Variants in PAX5 observed in about 807,000 individuals in gnomAD.
The protein encoded by PAX5 is paired box protein Pax-5.
PAX5 carries 9 observed loss-of-function variants against 43.7 expected under a neutral mutation model. The observed-to-expected ratio is 0.21, with a 90% confidence interval of 0.12 to 0.36. PAX5 has a LOEUF of 0.36. PAX5 is among the 10% of genes least tolerant of loss of function. The probability of loss-of-function intolerance (pLI) is 1.00; values close to 1 mark genes in which losing one functional copy is unlikely to be tolerated. For missense variants in PAX5, 383 were observed against 532.7 expected, an observed-to-expected ratio of 0.72 and a Z score of 2.77; for synonymous variants, 228 against 214.3, an observed-to-expected ratio of 1.06 and a Z score of -0.56.
chr9:36,847,329 C>T (rs1273527401), intron 8 of PAX5, among the ~76,000 whole-genome samples: 3 of 152,278 alleles, frequency 2.0e-5, no homozygotes, highest in East Asian at 3.9e-4. Flanking sequence ...TGGTTCTCAT[C>T]CCTGAGTGAA....
At chr9:37,010,067 T>C (rs1421903736) in intron 3 of PAX5, among the ~76,000 whole-genome samples, 27 of 152,168 alleles carry the variant, frequency 1.8e-4, no homozygotes, top group Admixed American at 1.8e-3. Context: ...GAAGAAACTG[T>C]AGTGGGAAGA....
chr9:36,900,654 A>G (rs1210470914), intron 7 of PAX5, among the ~76,000 whole-genome samples: 2 of 151,400 alleles, frequency 1.3e-5, no homozygotes, highest in African/African-American at 4.9e-5. Flanking sequence ...GTCCTCCTCC[A>G]TGGCGTCCTC....
Position 36,840,455 on chromosome 9 carries a change from G to T in PAX5, c.*105C>A. 1 of 1,118,404 alleles carries T rather than the reference G, an allele frequency of 8.9e-7. No homozygotes were observed. Among genetic ancestry groups the T allele is most frequent in the South Asian group, 1.3e-5 (1 of 75,782 alleles). The allele number at this position is 1,118,404 out of a possible 1,614,324, so 69.3% of individuals were successfully genotyped here. On this transcript the variant is annotated 3_prime_UTR_variant, in exon 10 of 10. Coordinates refer to ENST00000358127, the MANE Select transcript of PAX5 (RefSeq NM_016734.3). ...GGGGAGCTTCAGGCAAGTGGGGGATGCTGGGGGACGGTCTCATGGGCTCTC... is the reference window on the plus strand; with the variant it reads ...GGGGAGCTTCAGGCAAGTGGGGGATTCTGGGGGACGGTCTCATGGGCTCTC...
chr9:36,959,870 T>A (rs948552241), intron 6 of PAX5, among the ~76,000 whole-genome samples: 2 of 152,244 alleles, frequency 1.3e-5, no homozygotes, highest in Non-Finnish European at 2.9e-5. Context: ...TGTGTGCCCT[T>A]GGCTAAGCCA....
chr9:36,895,891 T>A (rs1327702276), intron 7 of PAX5, among the ~76,000 whole-genome samples: 2 of 152,226 alleles, frequency 1.3e-5, no homozygotes, highest in African/African-American at 4.8e-5. Context: ...TACTGGATCT[T>A]TGAAGCTAAG....
At chr9:36,957,647 C>T (rs1833600319) in intron 6 of PAX5, among the ~76,000 whole-genome samples, 1 of 152,194 alleles carries the variant, frequency 6.6e-6, no homozygotes, top group Admixed American at 6.5e-5. Context: ...CAGTTGCCTC[C>T]AGCCACGAGC....
intron 1 of PAX5, chr9:37,026,474 G>A (rs1406035708): frequency 2.3e-6 from 3 of 1,289,630 alleles, no homozygotes; most frequent in African/African-American, 3.0e-5. Context: ...CCCACGGTCC[G>A]GCACCCCCAA....
intron 6 of PAX5, among the ~76,000 whole-genome samples, chr9:36,963,247 G>A (rs898768091): frequency 1.3e-5 from 2 of 152,216 alleles, no homozygotes; most frequent in African/African-American, 4.8e-5. Context: ...CACAGTCAGA[G>A]ACAGGCCTGC....
chr9:36,908,012 C>T (rs1325658466), intron 7 of PAX5, among the ~76,000 whole-genome samples: 2 of 152,034 alleles, frequency 1.3e-5, no homozygotes, highest in Admixed American at 1.3e-4. Flanking sequence ...CCAGCTTGGG[C>T]AACATGGCAA....
chr9:36,904,398 C>G (rs1275873752), intron 7 of PAX5, among the ~76,000 whole-genome samples: 2 of 152,168 alleles, frequency 1.3e-5, no homozygotes, highest in African/African-American at 2.4e-5. Context: ...ACGAAAGGAA[C>G]TAATGGGTCT....
intron 1 of PAX5, among the ~76,000 whole-genome samples, chr9:37,033,563 T>C (rs2132588547): frequency 1.3e-5 from 2 of 149,240 alleles, no homozygotes; most frequent in East Asian, 4.0e-4. Context: ...AAGTACTAAC[T>C]TATAAACACA....
At chr9:36,923,058 G>A in intron 7 of PAX5, 1 of 355,584 alleles carries the variant, frequency 2.8e-6, no homozygotes, top group Non-Finnish European at 5.1e-6. Context: ...TGAACACTCA[G>A]CCCCACCCAC....
At chr9:36,893,376 C>T (rs1036293564) in intron 7 of PAX5, 1 of 152,246 alleles carries the variant, frequency 6.6e-6, no homozygotes, top group African/African-American at 2.4e-5. Flanking sequence ...ATCCAGACCT[C>T]TGTGGTGGCC....
At chr9:36,922,108 A>G (rs1269760663) in intron 7 of PAX5, among the ~76,000 whole-genome samples, 2 of 152,146 alleles carry the variant, frequency 1.3e-5, no homozygotes, top group Non-Finnish European at 2.9e-5. Flanking sequence ...TCAGAGCTGC[A>G]AATAGGGCCC....
chr9:36,877,674 G>A (rs1369908228), intron 8 of PAX5, among the ~76,000 whole-genome samples: 4 of 152,186 alleles, frequency 2.6e-5, no homozygotes, highest in African/African-American at 9.7e-5. Flanking sequence ...GGATTCAGAA[G>A]CCCGAGAGGT....
chr9:36,997,269 C>T (rs748237645), intron 5 of PAX5, among the ~76,000 whole-genome samples: 6 of 152,194 alleles, frequency 3.9e-5, no homozygotes, highest in Non-Finnish European at 5.9e-5. Context: ...TTGCAACGTA[C>T]CCCTACTGCC....
chr9:37,003,154 T>TAAAAAAAAA lies in PAX5; in HGVS notation c.476-387_476-379dup, dbSNP rs67081521. Among the ~76,000 whole-genome samples the TAAAAAAAAA allele has an allele frequency of 9.2e-5, 7 of 75,828 alleles. No individual in the cohort carries two copies. The East Asian group carries it at 1.8e-3, about 20-fold the overall frequency. 49.7% of individuals were successfully genotyped at this position (75,828 alleles called of 152,430 possible). A position where few individuals can be genotyped will look rare whatever the true frequency, so the allele number is the denominator to read the frequency against. On this transcript the variant is annotated intron_variant, in intron 4 of 9. Transcript: ENST00000358127. ...CCGGGGCCCACCAACAGTCAGTGCT[T>TAAAAAAAAA]AAAAAAAAAAAAAAAAAAAAAAAAA... is the stretch of plus-strand genomic sequence containing the variant.
chr9:36,854,835 G>A (rs1217531857), intron 8 of PAX5, among the ~76,000 whole-genome samples: 2 of 152,192 alleles, frequency 1.3e-5, no homozygotes, highest in African/African-American at 2.4e-5. Context: ...GAGAAAAACC[G>A]AGAGAGAGGG....
At chr9:36,894,603 G>A (rs1269754549) in intron 7 of PAX5, among the ~76,000 whole-genome samples, 1 of 152,142 alleles carries the variant, frequency 6.6e-6, no homozygotes, top group African/African-American at 2.4e-5. Context: ...CTGTGTGTCA[G>A]GTTTTGCATT....
Sources: gnomAD v4.1 joint callset for allele counts (sites outside exome capture counted in the v4.1 genomes callset) on GRCh38, gnomAD v4.1.1 for gene constraint, MANE v1.5 for transcripts, NCBI Gene and HGNC (gene_info 2026-07-23, HGNC 2026-07-21) for gene names.